The following CADPS variants were observed in gnomAD, a reference collection of about 807,000 sequenced individuals.
CADPS encodes calcium-dependent secretion activator 1.
CADPS carries 57 observed loss-of-function variants against 167.3 expected under a neutral mutation model. That is an observed-to-expected ratio of 0.34 (90% CI 0.28 to 0.42). The LOEUF (loss-of-function observed/expected upper bound fraction) is 0.42. Among genes scored for constraint, CADPS ranks in the 20% least tolerant of loss-of-function variants. The pLI, the probability that CADPS is intolerant of heterozygous loss-of-function variation, is 1.00. For missense variants in CADPS, 1,414 were observed against 1,738.1 expected (o/e 0.81, Z 3.32); for synonymous variants, 676 against 635.3 (o/e 1.06, Z -0.96).
intron 1 of CADPS, among the ~76,000 whole-genome samples, chr3:62,817,414 C>G (rs1479243713): frequency 6.6e-6 from 1 of 152,158 alleles, no homozygotes; most frequent in Non-Finnish European, 1.5e-5. Context: ...GAGATACAAT[C>G]TACATGCCAT....
intron 12 of CADPS, among the ~76,000 whole-genome samples, chr3:62,535,717 T>C (rs1041398178): frequency 6.6e-6 from 1 of 152,098 alleles, no homozygotes; most frequent in African/African-American, 2.4e-5. Flanking sequence ...TGGGTCTTTT[T>C]TTAGGCGTTT....
intron 3 of CADPS, among the ~76,000 whole-genome samples, chr3:62,724,554 A>G (rs2076396778): frequency 6.6e-6 from 1 of 152,230 alleles, no homozygotes; most frequent in Non-Finnish European, 1.5e-5. Context: ...AAAGTAGAAA[A>G]GCGGTAGTTT....
chr3:62,600,039 T>C (rs1427792857), intron 6 of CADPS, among the ~76,000 whole-genome samples: 1 of 143,562 alleles, frequency 7.0e-6, no homozygotes, highest in Non-Finnish European at 1.5e-5. Context: ...AAATTCAGAA[T>C]AACCATGTCA....
chr3:62,667,696 T>C (rs2074727136), intron 3 of CADPS, among the ~76,000 whole-genome samples: 1 of 152,070 alleles, frequency 6.6e-6, no homozygotes, highest in Non-Finnish European at 1.5e-5. Flanking sequence ...TTCCCAAATG[T>C]ACCTGATCAT....
In CADPS at chr3:62,650,994, G is replaced by T. The variant is rs756166133; in HGVS notation, c.1056C>A (p.Ala352=). The change falls in exon 5 of 30, where the codon GCC becomes GCA. Residue 352 remains alanine (A), a synonymous_variant. Transcript: ENST00000383710. ...ELKSSVNLLM[A]NLESMPVSKG... is the part of the protein sequence containing the mutation. ...TGGATACCGGCATGCTCTCCAAGTTGGCCATGAGCAGGTTGACAGATGACT... is the reference window on the plus strand; with the variant it reads ...TGGATACCGGCATGCTCTCCAAGTTTGCCATGAGCAGGTTGACAGATGACT... 6.2e-7 allele frequency: 1 copy of T among 1,614,052 alleles called. No individual in the cohort carries two copies. The highest frequency in any genetic ancestry group is 8.5e-7 in the Non-Finnish European group (1 of 1,179,952).
At chr3:62,839,057 A>T (rs2076280764) in intron 1 of CADPS, among the ~76,000 whole-genome samples, 1 of 152,212 alleles carries the variant, frequency 6.6e-6, no homozygotes, top group Admixed American at 6.5e-5. Context: ...TGGTAAGTCC[A>T]ATGACAGATT....
chr3:62,629,295 C>T (rs2064796554), intron 6 of CADPS, among the ~76,000 whole-genome samples: 1 of 152,182 alleles, frequency 6.6e-6, no homozygotes, highest in Non-Finnish European at 1.5e-5. Flanking sequence ...CACTCCCACC[C>T]ACAATCCTAG....
At chr3:62,452,376 T>C (rs1280011159) in intron 26 of CADPS, among the ~76,000 whole-genome samples, 1 of 152,208 alleles carries the variant, frequency 6.6e-6, no homozygotes, top group African/African-American at 2.4e-5. Context: ...AACTTTTTAG[T>C]TGCACTAGTC....
chr3:62,502,215 T>C (rs756649343), intron 17 of CADPS, among the ~76,000 whole-genome samples: 8 of 152,178 alleles, frequency 5.3e-5, no homozygotes, highest in South Asian at 2.1e-4. Flanking sequence ...CCCTAAGATG[T>C]TGTCTTTAAA....
intron 6 of CADPS, among the ~76,000 whole-genome samples, chr3:62,598,519 G>T (rs2059246905): frequency 6.6e-6 from 1 of 152,162 alleles, no homozygotes; most frequent in African/African-American, 2.4e-5. Context: ...GGCTATATTT[G>T]TAATAGAAAT....
intron 13 of CADPS, among the ~76,000 whole-genome samples, chr3:62,525,262 G>A (rs2071774033): frequency 6.6e-6 from 1 of 151,970 alleles, no homozygotes; most frequent in African/African-American, 2.4e-5. Flanking sequence ...AGAGTCACGT[G>A]GGTTAAAAGG....
chr3:62,675,668 C>T (rs1290668585), intron 3 of CADPS, among the ~76,000 whole-genome samples: 1 of 152,096 alleles, frequency 6.6e-6, no homozygotes, highest in Admixed American at 6.6e-5. Context: ...GCCCTAGGGT[C>T]TCGTAATCTA....
At chr3:62,422,205 A>G (rs529872824) in intron 28 of CADPS, among the ~76,000 whole-genome samples, 2 of 152,334 alleles carry the variant, frequency 1.3e-5, no homozygotes, top group African/African-American at 4.8e-5. Flanking sequence ...AGTTACCACT[A>G]TTTGATGGTG....
At chr3:62,555,228 C>G (rs2077939967) in intron 10 of CADPS, among the ~76,000 whole-genome samples, 1 of 151,844 alleles carries the variant, frequency 6.6e-6, no homozygotes, top group African/African-American at 2.4e-5. Context: ...TTACATCTTT[C>G]CATTTACATC....
intron 6 of CADPS, among the ~76,000 whole-genome samples, chr3:62,644,647 C>T (rs2068131253): frequency 6.6e-6 from 1 of 152,204 alleles, no homozygotes; most frequent in Non-Finnish European, 1.5e-5. Context: ...CCCTGCTGGC[C>T]TCTTTTGAAT....
intron 6 of CADPS, among the ~76,000 whole-genome samples, chr3:62,608,383 C>T (rs757836112): frequency 5.9e-5 from 9 of 151,752 alleles, no homozygotes; most frequent in Non-Finnish European, 1.0e-4. Flanking sequence ...CCCGGGCTCA[C>T]GTGATCCTCT....
intron 3 of CADPS, among the ~76,000 whole-genome samples, chr3:62,672,801 G>T (rs11713393): frequency 1.3e-5 from 2 of 151,954 alleles, no homozygotes; most frequent in African/African-American, 2.4e-5. Flanking sequence ...TGTATTTTTC[G>T]TAGAGACGGG....
At chr3:62,462,061 C>T (rs1007119823) in intron 26 of CADPS, among the ~76,000 whole-genome samples, 1 of 149,752 alleles carries the variant, frequency 6.7e-6, no homozygotes, top group African/African-American at 2.6e-5. Context: ...ACCTGCTTGC[C>T]CTCTTCTTGG....
At chr3:62,582,603 G>A (rs1308438586) in intron 8 of CADPS, among the ~76,000 whole-genome samples, 1 of 152,000 alleles carries the variant, frequency 6.6e-6, no homozygotes, top group Non-Finnish European at 1.5e-5. Context: ...TCTCTGAATA[G>A]TCCCTTAGGC....
Sources: gnomAD v4.1 joint callset for allele counts (sites outside exome capture counted in the v4.1 genomes callset) on GRCh38, gnomAD v4.1.1 for gene constraint, MANE v1.5 for transcripts, NCBI Gene and HGNC (gene_info 2026-07-23, HGNC 2026-07-21) for gene names.